GGNBP2: variants seen among roughly 807,000 people sequenced by gnomAD.
GGNBP2 encodes the protein gametogenetin-binding protein 2.
GGNBP2 carries 10 observed loss-of-function variants against 85.9 expected under a neutral mutation model. The ratio of observed to expected loss-of-function variants is 0.12; its 90% CI spans 0.07 to 0.20. The LOEUF is 0.20. GGNBP2 is among the 10% of genes least tolerant of loss of function. The probability of loss-of-function intolerance (pLI) is 1.00; values close to 1 mark genes in which losing one functional copy is unlikely to be tolerated. For missense variants in GGNBP2, 595 were observed against 857.8 expected (o/e 0.69, Z 3.83); for synonymous variants, 287 against 285.7 (o/e 1.00, Z -0.05).
chr17:36,551,906 A>C (rs2142687531), intron 2 of GGNBP2, among the ~76,000 whole-genome samples: 1 of 152,294 alleles, frequency 6.6e-6, no homozygotes, highest in South Asian at 2.1e-4. Flanking sequence ...TTCAATTTTT[A>C]AAACAGTTGA....
chr17:36,545,886 A>T, intron 2 of GGNBP2, 69 bp downstream of exon 2: 11 of 1,120,748 alleles, frequency 9.8e-6, no homozygotes, highest in Non-Finnish European at 1.4e-5. Flanking sequence ...CCCCTCCCCC[A>T]GGCCGAGCGC....
At chr17:36,584,929 A>G (rs574152614) in intron 9 of GGNBP2, among the ~76,000 whole-genome samples, 7 of 150,968 alleles carry the variant, frequency 4.6e-5, no homozygotes, top group Non-Finnish European at 1.0e-4. Context: ...ACTCTAGCCT[A>G]AGTGACAGAG....
intron 2 of GGNBP2, among the ~76,000 whole-genome samples, chr17:36,554,342 A>C (rs955531066): frequency 1.2e-5 from 1 of 84,836 alleles, no homozygotes; most frequent in Non-Finnish European, 2.3e-5. Flanking sequence ...AACTTGTCTT[A>C]TGTACTTGAA....
chr17:36,571,910 G>T (rs2074528961), intron 6 of GGNBP2, among the ~76,000 whole-genome samples: 1 of 151,716 alleles, frequency 6.6e-6, no homozygotes, highest in African/African-American at 2.4e-5. Flanking sequence ...AATTAGCTGG[G>T]CGTAGTGACA....
intron 2 of GGNBP2, among the ~76,000 whole-genome samples, chr17:36,552,345 A>G (rs1243974551): frequency 6.6e-6 from 1 of 152,200 alleles, no homozygotes; most frequent in Non-Finnish European, 1.5e-5. Context: ...TTCCAATACC[A>G]GGATTATTAT....
intron 6 of GGNBP2, chr17:36,577,656 T>G (rs2074605250): frequency 2.9e-6 from 1 of 347,096 alleles, no homozygotes; most frequent in South Asian, 2.7e-5. Context: ...CCTGCGCAAA[T>G]AGCTTTTGAA....
At chr17:36,564,090 A>G (rs2074446532) in intron 5 of GGNBP2, among the ~76,000 whole-genome samples, 1 of 152,082 alleles carries the variant, frequency 6.6e-6, no homozygotes, top group South Asian at 2.1e-4. Context: ...TTATTTTTTC[A>G]TCAGCTCATT....
At chr17:36,557,453 A>G in intron 4 of GGNBP2, 117 bp downstream of exon 4, 1 of 847,038 alleles carries the variant, frequency 1.2e-6, no homozygotes, top group South Asian at 1.7e-5. Context: ...TTTATTGAGT[A>G]AGTTGTATGT....
intron 6 of GGNBP2, among the ~76,000 whole-genome samples, chr17:36,575,648 A>ATATATT (rs374366757): frequency 0.012 from 675 of 54,862 alleles, 12 homozygotes; most frequent in Non-Finnish European, 0.014. Context: ...ATATATATAT[A>ATATATT]TTTTTTTTTT....
chr17:36,575,299 C>T, intron 6 of GGNBP2: 1 of 493,974 alleles, frequency 2.0e-6, no homozygotes, highest in Non-Finnish European at 3.7e-6. Context: ...ATCCCCACCA[C>T]CGGCTGCCAC....
At chr17:36,586,891 T>G in intron 12 of GGNBP2, 106 bp from the exon 13 acceptor site, 1 of 1,134,168 alleles carries the variant, frequency 8.8e-7, no homozygotes, top group Non-Finnish European at 1.2e-6. Flanking sequence ...AATGTTGAGA[T>G]TGTAGGCATG....
At chr17:36,576,629 G>GTGTGTGTGTGTATA (rs1203227585) in intron 6 of GGNBP2, 194 of 111,056 alleles carry the variant, frequency 1.7e-3, no homozygotes, top group African/African-American at 6.0e-3. Flanking sequence ...GTGTGTGTGT[G>GTGTGTGTGTGTATA]TATATGTATA....
intron 4 of GGNBP2, among the ~76,000 whole-genome samples, chr17:36,558,414 CAAAAAAAAAAA>C (rs755597241): frequency 1.1e-4 from 2 of 18,966 alleles, no homozygotes; most frequent in Non-Finnish European, 2.0e-4. Context: ...AGCTCCATCT[CAAAAAAAAAAA>C]AAAAAAAAAA....
At chr17:36,575,145 G>A in intron 6 of GGNBP2, 2 of 693,042 alleles carry the variant, frequency 2.9e-6, no homozygotes, top group Non-Finnish European at 5.2e-6. Flanking sequence ...AGGCGGCCCA[G>A]CTTGGTGATA....
chr17:36,562,188 GAC>G lies in GGNBP2; in HGVS notation c.527+1321_527+1322del, dbSNP rs1300063733. Among the ~76,000 whole-genome samples, 3 of 151,964 alleles carry G rather than the reference GAC, an allele frequency of 2.0e-5. No individual in the cohort carries two copies. The South Asian group carries it at 6.2e-4, about 32-fold the overall frequency. Reference sequence around the variant, plus strand: ...TTTTATCTTTTAATTATTTTTTTGAGACACAGTCTTGCTCTGTCACTCAGGCT... The same window carrying G: ...TTTTATCTTTTAATTATTTTTTTGAGACAGTCTTGCTCTGTCACTCAGGCT... On this transcript the variant is annotated intron_variant, in intron 5 of 13. Transcript: ENST00000613102.
chr17:36,562,708 T>A (rs2074429604), intron 5 of GGNBP2, among the ~76,000 whole-genome samples: 1 of 151,236 alleles, frequency 6.6e-6, no homozygotes, highest in Admixed American at 6.6e-5. Context: ...GGCTCATGCC[T>A]GTAATCCCAG....
intron 3 of GGNBP2, 68 bp downstream of exon 3, chr17:36,554,968 C>G: frequency 1.0e-6 from 1 of 972,114 alleles, no homozygotes; most frequent in Non-Finnish European, 1.6e-6. Context: ...TAAAATTTAG[C>G]TGTATTAATT....
Position 36,545,084 on chromosome 17 carries a change from C to T in GGNBP2, c.-120C>T, listed in dbSNP as rs2074235558. On this transcript the variant is annotated 5_prime_UTR_variant, in exon 1 of 14. Transcript: ENST00000613102. ...AACGGTGAAGGTCGGAACCGACAGC[C>T]TCCTCCGAGAAGGGTGAGGAAAGGG... 1 of 152,870 alleles carries T rather than the reference C, an allele frequency of 6.5e-6. No individual in the cohort carries two copies. The highest frequency in any genetic ancestry group is 2.4e-5 in the African/African-American group (1 of 41,428). The allele number at this position is 152,870 out of a possible 1,614,324, so 9.5% of individuals were successfully genotyped here.
chr17:36,578,629 A>G (rs1238353583), intron 7 of GGNBP2: 1 of 158,098 alleles, frequency 6.3e-6, no homozygotes, highest in African/African-American at 2.4e-5. Context: ...TATTATTACT[A>G]CACAGAAACC....
Sources: allele counts gnomAD v4.1 joint callset (sites outside exome capture counted in the v4.1 genomes callset), GRCh38; gene constraint gnomAD v4.1.1; transcripts MANE v1.5; gene names NCBI Gene and HGNC (gene_info 2026-07-23, HGNC 2026-07-21).